The following CNTN5 variants were observed in gnomAD, a reference collection of about 807,000 sequenced individuals.
CNTN5 encodes the protein contactin 5, also known as contactin-5.
Under a neutral mutation model 129.1 loss-of-function variants are expected in CNTN5, and 77 were observed. The ratio of observed to expected loss-of-function variants is 0.60; its 90% CI spans 0.50 to 0.72. CNTN5 has a LOEUF of 0.72. Ranked by LOEUF, CNTN5 falls within the 30% of genes least tolerant of loss-of-function variation. The pLI, the probability that CNTN5 is intolerant of heterozygous loss-of-function variation, is 0.00. For synonymous variants in CNTN5, 509 were observed against 465.6 expected (o/e 1.09, Z -1.20); for missense variants, 1,478 against 1,328.8 (o/e 1.11, Z -1.75).
rs541885456 is a variant in CNTN5, at chr11:99,707,770, T to A, written c.56-111774T>A. ...AAAACATTTATTCTCCTTGTTAAAA[T>A]GTTTAGCCTTCCCATATAATCTCTC... On this transcript the variant is annotated intron_variant, in intron 3 of 24. Coordinates refer to ENST00000524871, the MANE Select transcript of CNTN5 (RefSeq NM_014361.4). Among the ~76,000 whole-genome samples the A allele has an allele frequency of 3.9e-3, 590 of 151,772 alleles. 5 individuals are homozygous for A. Among genetic ancestry groups the A allele is most frequent in the African/African-American group, 0.013 (536 of 41,500 alleles).
At chr11:100,264,228 T>C (rs931939549) in intron 17 of CNTN5, among the ~76,000 whole-genome samples, 1 of 152,260 alleles carries the variant, frequency 6.6e-6, no homozygotes, top group East Asian at 1.9e-4. Context: ...TATTTTTAAA[T>C]TTTTATTTTA....
At chr11:100,297,082 G>T (rs1951113304) in intron 18 of CNTN5, among the ~76,000 whole-genome samples, 1 of 151,452 alleles carries the variant, frequency 6.6e-6, no homozygotes, top group Non-Finnish European at 1.5e-5. Context: ...AAATTTTGCA[G>T]TTTGCAGAGA....
chr11:99,381,726 T>C (rs1215861991), intron 2 of CNTN5, among the ~76,000 whole-genome samples: 1 of 152,230 alleles, frequency 6.6e-6, no homozygotes, highest in Non-Finnish European at 1.5e-5. Flanking sequence ...ACTCCTATTA[T>C]TAATGAATCT....
intron 2 of CNTN5, among the ~76,000 whole-genome samples, chr11:99,527,194 A>G (rs1843854798): frequency 6.6e-6 from 1 of 152,324 alleles, no homozygotes; most frequent in African/African-American, 2.4e-5. Flanking sequence ...ATTGTGCTTT[A>G]GCTTATGACT....
intron 16 of CNTN5, among the ~76,000 whole-genome samples, chr11:100,231,626 G>A (rs1949491260): frequency 1.3e-5 from 2 of 152,052 alleles, no homozygotes; most frequent in Non-Finnish European, 2.9e-5. Context: ...TAAATTTTGT[G>A]GTCCCCTAAT....
intron 2 of CNTN5, among the ~76,000 whole-genome samples, chr11:99,394,936 T>A (rs1161684028): frequency 6.6e-6 from 1 of 151,912 alleles, no homozygotes; most frequent in African/African-American, 2.4e-5. Context: ...TTATCAAGTC[T>A]AACATCGATG....
chr11:100,143,927 C>G (rs1041203382), intron 13 of CNTN5, among the ~76,000 whole-genome samples: 1 of 152,058 alleles, frequency 6.6e-6, no homozygotes, highest in African/African-American at 2.4e-5. Flanking sequence ...TTTTTATTAT[C>G]CAGATGATTC....
Position 99,157,612 on chromosome 11 carries a change from G to A in CNTN5, c.-210+136342G>A, listed in dbSNP as rs904484715. Among the ~76,000 whole-genome samples, 5 of 152,128 alleles carry A rather than the reference G, an allele frequency of 3.3e-5. No individual in the cohort carries two copies. In the East Asian group the frequency reaches 7.7e-4, roughly 24 times the overall value. ...TAAAAATATACCTATACTGGAAATT[G>A]GGATAAGAGGACATTAAGGTTTGAC... On this transcript the variant is annotated intron_variant, in intron 1 of 24. Transcript: ENST00000524871.
intron 3 of CNTN5, among the ~76,000 whole-genome samples, chr11:99,748,835 T>A (rs1277795107): frequency 6.6e-6 from 1 of 152,212 alleles, no homozygotes; most frequent in African/African-American, 2.4e-5. Context: ...TCTTCTTTAC[T>A]CACTCTACTG....
chr11:99,787,386 A>C lies in CNTN5; in HGVS notation c.56-32158A>C, dbSNP rs1408782402. Among the ~76,000 whole-genome samples the C allele has an allele frequency of 2.6e-5, 4 of 151,722 alleles. No individual in the cohort carries two copies. In the East Asian group the frequency reaches 7.7e-4, roughly 29 times the overall value. ...ATGTTATATATTTTCCATATTAAAA[A>C]TCTTTATTTAAAATATTTTTTAAAA... On this transcript the variant is annotated intron_variant, in intron 3 of 24. Coordinates refer to ENST00000524871, the MANE Select transcript of CNTN5 (RefSeq NM_014361.4).
At chr11:100,190,024 C>T (rs1414375387) in intron 13 of CNTN5, among the ~76,000 whole-genome samples, 1 of 152,016 alleles carries the variant, frequency 6.6e-6, no homozygotes, top group African/African-American at 2.4e-5. Context: ...AAGTTCAATG[C>T]TCTAAATAAC....
At chr11:99,855,446 T>C (rs1365780606) in intron 6 of CNTN5, among the ~76,000 whole-genome samples, 2 of 152,216 alleles carry the variant, frequency 1.3e-5, no homozygotes, top group South Asian at 4.1e-4. Context: ...GAGGCTATCC[T>C]AAACTCTATA....
intron 1 of CNTN5, among the ~76,000 whole-genome samples, chr11:99,179,645 G>T (rs1223179288): frequency 1.3e-5 from 2 of 152,102 alleles, no homozygotes; most frequent in African/African-American, 4.8e-5. Flanking sequence ...GGATAAAATA[G>T]GATTATTTCT....
intron 3 of CNTN5, among the ~76,000 whole-genome samples, chr11:99,765,228 A>AT (rs1944713389): frequency 1.3e-5 from 2 of 152,116 alleles, no homozygotes; most frequent in South Asian, 2.1e-4. Flanking sequence ...AGTATATTCA[A>AT]TTTTTTCTAA....
intron 2 of CNTN5, among the ~76,000 whole-genome samples, chr11:99,526,215 T>A (rs1421362179): frequency 1.3e-5 from 2 of 152,146 alleles, no homozygotes; most frequent in African/African-American, 2.4e-5. Context: ...GGAAATGACG[T>A]GGTAGAAGAA....
chr11:99,675,868 G>A (rs1953258614), intron 3 of CNTN5, among the ~76,000 whole-genome samples: 1 of 151,892 alleles, frequency 6.6e-6, no homozygotes, highest in Non-Finnish European at 1.5e-5. Flanking sequence ...TCATTTCCTT[G>A]CAAAAAGGAA....
chr11:99,257,309 C>T (rs953344073), intron 1 of CNTN5, among the ~76,000 whole-genome samples: 2 of 152,126 alleles, frequency 1.3e-5, no homozygotes, highest in African/African-American at 2.4e-5. Context: ...AGGAAGTGAA[C>T]TGTCACAAGC....
intron 1 of CNTN5, among the ~76,000 whole-genome samples, chr11:99,313,042 A>G (rs1277125901): frequency 1.3e-5 from 2 of 152,042 alleles, no homozygotes; most frequent in Non-Finnish European, 2.9e-5. Flanking sequence ...ACACTCAATT[A>G]TACTCGATCG....
intron 21 of CNTN5, chr11:100,308,845 T>C: frequency 1.0e-6 from 1 of 985,598 alleles, no homozygotes; most frequent in Non-Finnish European, 1.2e-6. Flanking sequence ...TTTATTGGTA[T>C]CTCTTACCCT....
Sources: allele counts gnomAD v4.1 joint callset (sites outside exome capture counted in the v4.1 genomes callset), GRCh38; gene constraint gnomAD v4.1.1; transcripts MANE v1.5; gene names NCBI Gene and HGNC (gene_info 2026-07-23, HGNC 2026-07-21).